NLRP7: variants seen among roughly 807,000 people sequenced by gnomAD.
NLRP7 encodes the protein NACHT, LRR and PYD domains-containing protein 7.
A neutral mutation model predicts 85.5 loss-of-function variants in NLRP7; 72 were observed. The observed-to-expected ratio is 0.84, with a 90% CI of 0.70 to 1.02. NLRP7 has a LOEUF of 1.02. Among genes scored for constraint, NLRP7 ranks in the 50% least tolerant of loss-of-function variants. NLRP7 has a pLI of 0.00. For missense variants in NLRP7, 1,243 were observed against 1,219.5 expected (o/e 1.02, Z -0.29); for synonymous variants, 550 against 505.2 (o/e 1.09, Z -1.19).
chr19:54,952,904 G>T (rs1015722822), intron 1 of NLRP7, among the ~76,000 whole-genome samples: 3 of 152,006 alleles, frequency 2.0e-5, no homozygotes, highest in African/African-American at 7.2e-5. Flanking sequence ...TTGGGAGGCC[G>T]AGGCGGGTGG....
At chr19:54,949,396 C>T (rs1053637054), upstream of NLRP7, among the ~76,000 whole-genome samples, 1 of 151,530 alleles carries the variant, frequency 6.6e-6, no homozygotes, top group Non-Finnish European at 1.5e-5. Flanking sequence ...GGCAATATGG[C>T]GAGACTCCCT....
intron 1 of NLRP7, among the ~76,000 whole-genome samples, chr19:54,961,364 G>A (rs1224516799): frequency 1.3e-5 from 2 of 151,928 alleles, no homozygotes; most frequent in African/African-American, 4.8e-5. Context: ...TACAAAATTA[G>A]CTTGGTATGG....
At chr19:54,935,695 A>G (rs949377878) in intron 6 of NLRP7, among the ~76,000 whole-genome samples, 1 of 67,128 alleles carries the variant, frequency 1.5e-5, no homozygotes, top group Non-Finnish European at 2.5e-5. Context: ...TGTCTCAAAG[A>G]AAAAAAAAAA....
At chr19:54,949,641 G>A (rs371641879), upstream of NLRP7, among the ~76,000 whole-genome samples, 2 of 152,030 alleles carry the variant, frequency 1.3e-5, no homozygotes, top group Non-Finnish European at 2.9e-5. Flanking sequence ...AAGTGCGAGG[G>A]ACTGGCTGCC....
intron 1 of NLRP7, among the ~76,000 whole-genome samples, chr19:54,945,520 T>A (rs912622494): frequency 2.6e-5 from 4 of 151,986 alleles, no homozygotes; most frequent in Non-Finnish European, 4.4e-5. Context: ...TCTGCCCACC[T>A]CAGCCTCCCA....
upstream of NLRP7, among the ~76,000 whole-genome samples, chr19:54,949,236 C>T (rs549856330): frequency 2.0e-4 from 31 of 151,344 alleles, no homozygotes; most frequent in African/African-American, 7.3e-4. Context: ...CGAGATTGCA[C>T]CACTGCGCTC....
chr19:54,925,663 A>C (rs139012423), intron 9 of NLRP7, among the ~76,000 whole-genome samples: 5 of 152,272 alleles, frequency 3.3e-5, no homozygotes, highest in East Asian at 1.9e-4. Context: ...TCAGAAAAGA[A>C]AAGACAAAGG....
At chr19:54,945,252 A>G (rs1433454595) in intron 1 of NLRP7, among the ~76,000 whole-genome samples, 1 of 150,322 alleles carries the variant, frequency 6.7e-6, no homozygotes, top group African/African-American at 2.4e-5. Context: ...AAAAAAAAAA[A>G]AAAGAAAAGA....
chr19:54,945,855 T>C (rs1402788692), intron 1 of NLRP7, among the ~76,000 whole-genome samples: 1 of 151,934 alleles, frequency 6.6e-6, no homozygotes, highest in Non-Finnish European at 1.5e-5. Context: ...AGTGGCGCGA[T>C]CTGGGCTCAC....
intron 6 of NLRP7, 30 bp downstream of exon 6, chr19:54,936,231 G>A: frequency 2.5e-6 from 4 of 1,603,142 alleles, no homozygotes; most frequent in East Asian, 2.2e-5. Context: ...GACTCCAGGT[G>A]CTGGGGAGAG....
At chr19:54,953,592 G>A (rs544881976) in intron 1 of NLRP7, among the ~76,000 whole-genome samples, 9 of 149,358 alleles carry the variant, frequency 6.0e-5, no homozygotes, top group Admixed American at 2.0e-4. Context: ...TTCCTGGGGC[G>A]CGGGGCTGTC....
At chr19:54,945,827 T>G (rs2069445140) in intron 1 of NLRP7, among the ~76,000 whole-genome samples, 1 of 151,946 alleles carries the variant, frequency 6.6e-6, no homozygotes, top group African/African-American at 2.4e-5. Context: ...TCTTGCTCTG[T>G]CACCCAGGCT....
chr19:54,954,342 C>T (rs144895273), intron 1 of NLRP7, among the ~76,000 whole-genome samples: 4,268 of 146,050 alleles, frequency 0.029, 324 homozygotes, highest in South Asian at 0.051. Flanking sequence ...CTGGCTAACA[C>T]GGTGAAATCC....
At chr19:54,926,299 G>A (rs572001112) in intron 9 of NLRP7, among the ~76,000 whole-genome samples, 1 of 152,100 alleles carries the variant, frequency 6.6e-6, no homozygotes, top group Admixed American at 6.5e-5. Context: ...GTATGCCTAG[G>A]ACTAAGTGTT....
rs964248447 is a variant in NLRP7 at position 54,941,418 on chromosome 19, C to T, written c.277+17G>A. 2 of 1,442,764 alleles carry T rather than the reference C, an allele frequency of 1.4e-6. No individual in the cohort carries two copies. Among genetic ancestry groups the T allele is most frequent in the African/African-American group, 2.8e-5 (2 of 70,612 alleles). The allele number at this position is 1,442,764 out of a possible 1,614,324, so 89.4% of individuals were successfully genotyped here. On this transcript the variant is annotated intron_variant, in intron 2 of 9. Coordinates refer to ENST00000340844, the Ensembl canonical transcript of NLRP7. Reference sequence around the variant, plus strand: ...AAAAAAAAAAAAAATGACCAGGACACCCCAGGTTCTACTTACCCATCATCT... The same window carrying T: ...AAAAAAAAAAAAAATGACCAGGACATCCCAGGTTCTACTTACCCATCATCT...
At chr19:54,927,178 C>T (rs571647726) in intron 9 of NLRP7, among the ~76,000 whole-genome samples, 4 of 151,958 alleles carry the variant, frequency 2.6e-5, no homozygotes, top group Non-Finnish European at 5.9e-5. Flanking sequence ...CACCTGAGGT[C>T]AGGAGTTCAA....
intron 1 of NLRP7, among the ~76,000 whole-genome samples, chr19:54,945,934 C>T (rs1300617245): frequency 1.3e-5 from 2 of 151,870 alleles, no homozygotes; most frequent in Non-Finnish European, 1.5e-5. Context: ...GGACTACAGG[C>T]GCCCGCCACT....
intron 8 of NLRP7, among the ~76,000 whole-genome samples, chr19:54,931,417 C>T (rs778760043): frequency 7.9e-5 from 12 of 152,006 alleles, no homozygotes; most frequent in Non-Finnish European, 1.5e-4. Flanking sequence ...TAGCTGGGCA[C>T]GATGGCTCAC....
rs1602095766 is a variant in NLRP7 at position 54,923,688 on chromosome 19, T to G, written c.*52A>C. ...TCTGACCTGCATTCATAAGACATCT[T>G]AGAGACCCGAATCCCGCTTCCTGTG... On this transcript the variant is annotated 3_prime_UTR_variant, in exon 10 of 10. Coordinates refer to ENST00000340844, the Ensembl canonical transcript of NLRP7. 9 of 1,606,672 alleles carry G rather than the reference T, an allele frequency of 5.6e-6. 2 individuals carry two copies. The South Asian group carries it at 7.7e-5, about 14-fold the overall frequency.
Sources: gnomAD v4.1 joint callset for allele counts (sites outside exome capture counted in the v4.1 genomes callset) on GRCh38, gnomAD v4.1.1 for gene constraint, MANE v1.5 for transcripts, NCBI Gene and HGNC (gene_info 2026-07-23, HGNC 2026-07-21) for gene names.